NAV1: variants seen among roughly 807,000 people sequenced by gnomAD.
The protein encoded by NAV1 is pore membrane and/or filament interacting like protein 3.
A neutral mutation model predicts 175.2 loss-of-function variants in NAV1; 18 were observed. That is an observed-to-expected ratio of 0.10 (90% confidence interval 0.07 to 0.15). The LOEUF (loss-of-function observed/expected upper bound fraction) is 0.15. Ranked by LOEUF, NAV1 falls within the 10% of genes least tolerant of loss-of-function variation. The pLI, the probability that NAV1 is intolerant of heterozygous loss-of-function variation, is 1.00. For missense variants in NAV1, 1,731 were observed against 2,436.6 expected (o/e 0.71, Z 6.10); for synonymous variants, 897 against 978.7 (o/e 0.92, Z 1.56).
chr1:201,596,486 G>A (rs1045933972), intron 2 of NAV1, among the ~76,000 whole-genome samples: 19 of 152,316 alleles, frequency 1.2e-4, no homozygotes, highest in Middle Eastern at 3.4e-3. Flanking sequence ...AGCAGCTCAT[G>A]GGCTGGACTT....
chr1:201,677,910 G>A (rs1050024381), intron 1 of NAV1, among the ~76,000 whole-genome samples: 1 of 152,016 alleles, frequency 6.6e-6, no homozygotes, highest in Non-Finnish European at 1.5e-5. Context: ...GATTACAGGC[G>A]TGACCCACCA....
At chr1:201,563,150 G>A (rs1666252068) in intron 1 of NAV1, among the ~76,000 whole-genome samples, 1 of 152,168 alleles carries the variant, frequency 6.6e-6, no homozygotes, top group Admixed American at 6.5e-5. Context: ...GATCGTCAGA[G>A]GGTGCAGACA....
chr1:201,688,919 C>T (rs991383719), intron 1 of NAV1, among the ~76,000 whole-genome samples: 11 of 152,290 alleles, frequency 7.2e-5, no homozygotes, highest in East Asian at 1.9e-4. Context: ...GGTTACTAGA[C>T]GTGTTGCCTG....
chr1:201,793,792 G>T, exon 14 of NAV1: 2 of 1,600,968 alleles, frequency 1.2e-6, no homozygotes, highest in Non-Finnish European at 1.7e-6. Flanking sequence ...TTTGTTTCAG[G>T]CTAATCTGGT....
At chr1:201,803,957 C>T in intron 16 of NAV1, 1 of 549,416 alleles carries the variant, frequency 1.8e-6, no homozygotes. Context: ...GCTCTCCATA[C>T]TGGTTAGGCC....
intron 3 of NAV1, among the ~76,000 whole-genome samples, chr1:201,725,810 T>TA (rs1443235698): frequency 6.6e-5 from 10 of 151,570 alleles, no homozygotes; most frequent in African/African-American, 2.4e-4. Context: ...AATTAAAACT[T>TA]AACTGGGCAT....
intron 1 of NAV1, among the ~76,000 whole-genome samples, chr1:201,554,463 G>C (rs568785306): frequency 6.6e-6 from 1 of 152,192 alleles, no homozygotes; most frequent in Non-Finnish European, 1.5e-5. Context: ...GGAAGAGGGA[G>C]AGTTGGGCCA....
intron 1 of NAV1, among the ~76,000 whole-genome samples, chr1:201,572,525 T>A (rs6673530): frequency 0.13 from 19,875 of 151,658 alleles, 1,342 homozygotes; most frequent in Admixed American, 0.15. Context: ...CGCACCACCA[T>A]GCCCGGCTAA....
In NAV1 at chr1:201,752,992, AGGGGTAGTTTTGG is replaced by A. The variant is rs368494983; in HGVS notation, c.1227-27424_1227-27412del. 2.0e-3 allele frequency among the ~76,000 whole-genome samples: 305 copies of A among 152,244 alleles called. 2 individuals are homozygous for A. Among genetic ancestry groups the A allele is most frequent in the African/African-American group, 7.0e-3 (291 of 41,544 alleles). On this transcript the variant is annotated intron_variant, in intron 3 of 29. Coordinates refer to ENST00000367296, the Ensembl canonical transcript of NAV1. The stretch of plus-strand genomic sequence containing the variant: ...AAATCTTCACATTAGGAAAGAATGT[AGGGGTAGTTTTGG>A]GGGGAACGAGGGGCTCAAATTAAAG...
At chr1:201,696,916 G>A (rs1671217119) in intron 1 of NAV1, among the ~76,000 whole-genome samples, 2 of 152,144 alleles carry the variant, frequency 1.3e-5, no homozygotes, top group African/African-American at 4.8e-5. Context: ...GCGCACACTC[G>A]GGAAATACTG....
intron 1 of NAV1, among the ~76,000 whole-genome samples, chr1:201,654,312 T>A (rs1217940297): frequency 6.6e-6 from 1 of 152,120 alleles, no homozygotes; most frequent in African/African-American, 2.4e-5. Context: ...TCCTGGGATG[T>A]TTCCTGACAC....
At position 201,808,432 on chromosome 1, in the gene NAV1, C is replaced by T; in HGVS notation, c.3860C>T (p.Pro1287Leu). The change falls in exon 19 of 30, where the codon CCA becomes CTA. Residue 1287 changes from proline to leucine, a missense_variant. Pro to Leu is a moderately conservative substitution (Grantham distance 98). Transcript: ENST00000367296. This position sits in a 1 kb window ranked among gnomAD's most constrained non-coding sequence, Gnocchi z 5.5. ...CTATCTTACAGGGGCCCTGCTCACC[C>T]AGCCCCCCACACTAGGCTGTTCCAT... is the stretch of plus-strand genomic sequence containing the variant. 1 of 1,612,462 alleles carries T rather than the reference C, an allele frequency of 6.2e-7. No homozygotes were observed. Among genetic ancestry groups the T allele is most frequent in the South Asian group, 1.1e-5 (1 of 90,914 alleles).
chr1:201,620,224 A>G (rs1226362222), upstream of NAV1, among the ~76,000 whole-genome samples: 1 of 152,112 alleles, frequency 6.6e-6, no homozygotes, highest in Non-Finnish European at 1.5e-5. Flanking sequence ...TCTCCACAAT[A>G]TGGAAGGGGG....
chr1:201,684,492 T>TTA (rs1553253632), intron 1 of NAV1, among the ~76,000 whole-genome samples: 2 of 150,508 alleles, frequency 1.3e-5, no homozygotes, highest in East Asian at 4.0e-4. Flanking sequence ...TTTTTTTTTT[T>TTA]AGACAGAGTC....
chr1:201,783,921 C>A, intron 7 of NAV1, 69 bp downstream of exon 11: 1 of 1,399,200 alleles, frequency 7.1e-7, no homozygotes, highest in Non-Finnish European at 9.7e-7. Flanking sequence ...ATTGGCAATA[C>A]TATCCTATAT....
intron 1 of NAV1, among the ~76,000 whole-genome samples, chr1:201,688,943 G>A (rs1339535922): frequency 6.6e-6 from 1 of 152,202 alleles, no homozygotes; most frequent in Admixed American, 6.5e-5. Flanking sequence ...CACATGCACT[G>A]CTGACCTTGA....
chr1:201,768,218 A>G (rs1675332750), intron 3 of NAV1, among the ~76,000 whole-genome samples: 1 of 151,658 alleles, frequency 6.6e-6, no homozygotes, highest in African/African-American at 2.4e-5. Flanking sequence ...AATCCCAGCT[A>G]CTTGGGAGGC....
intron 2 of NAV1, among the ~76,000 whole-genome samples, chr1:201,611,293 T>C (rs1667838530): frequency 6.6e-6 from 1 of 152,146 alleles, no homozygotes. Context: ...AGGCAAGAGC[T>C]TGGGGAAGGA....
chr1:201,718,394 C>T lies in NAV1; in HGVS notation c.865C>T (p.Leu289=). 2.6e-6 allele frequency: 4 copies of T among 1,538,508 alleles called. No homozygotes were observed. The highest frequency in any genetic ancestry group is 2.6e-6 in the Non-Finnish European group (3 of 1,137,424). The stretch of plus-strand genomic sequence containing the variant: ...TGCCTTCTGCTCTCCACCCAGCTCC[C>T]TGGAGATGACCTGCTACGACAGCGA... Residue 289 remains leucine, a synonymous_variant, in exon 3 of 30, where the codon CTG becomes TTG. Transcript: ENST00000367296. This position sits in a 1 kb window ranked among gnomAD's most constrained non-coding sequence, Gnocchi z 4.8.
Sources: gnomAD v4.1 joint callset for allele counts (sites outside exome capture counted in the v4.1 genomes callset) on GRCh38, gnomAD v4.1.1 for gene constraint, Gnocchi (gnomAD v3.1) non-coding constraint, MANE v1.5 for transcripts, NCBI Gene and HGNC (gene_info 2026-07-23, HGNC 2026-07-21) for gene names.